ASCC3: variants seen among roughly 807,000 people sequenced by gnomAD.
ASCC3 encodes activating signal cointegrator 1 complex subunit 3.
ASCC3 carries 158 observed loss-of-function variants against 256.3 expected under a neutral mutation model. That is an observed-to-expected ratio of 0.62 (90% CI 0.54 to 0.70). The LOEUF (loss-of-function observed/expected upper bound fraction) is 0.70. Ranked by LOEUF, ASCC3 falls within the 30% of genes least tolerant of loss-of-function variation. The pLI is 0.00. For missense variants in ASCC3, 2,259 were observed against 2,626.0 expected (o/e 0.86, Z 3.05); for synonymous variants, 948 against 883.4 (o/e 1.07, Z -1.30).
chr6:100,804,797 T>C (rs1770088535), intron 5 of ASCC3, among the ~76,000 whole-genome samples: 1 of 152,174 alleles, frequency 6.6e-6, no homozygotes, highest in Admixed American at 6.6e-5. Flanking sequence ...TTATATACTG[T>C]TGGTGGGAAC....
chr6:100,512,629 T>G lies in ASCC3; in HGVS notation c.6285+80A>C, dbSNP rs146263567. ...GGATTCATGAATGACACGGGCACAT[T>G]AGTCACATAACAGATATGTGTGGTG... On this transcript the variant is annotated intron_variant, in intron 40 of 41. Transcript: ENST00000369162. 2.4e-4 allele frequency: 326 copies of G among 1,347,214 alleles called. No homozygotes were observed. The East Asian group carries it at 6.8e-3, about 28-fold the overall frequency. The allele number at this position is 1,347,214 out of a possible 1,614,324, so 83.5% of individuals were successfully genotyped here.
rs144369336 is a variant in ASCC3 at position 100,780,977 on chromosome 6, TAAG to T, written c.1396-13635_1396-13633del. Among the ~76,000 whole-genome samples, 316 of 152,308 alleles carry T rather than the reference TAAG, an allele frequency of 2.1e-3. 4 individuals carry two copies. Among genetic ancestry groups the T allele is most frequent in the Admixed American group, 0.018 (276 of 15,296 alleles). ...TCCCTAAAGTGCTAAACAAGAAATA[TAAG>T]AAGTATTTTCCTTTAAAATATGACT... is the stretch of plus-strand genomic sequence containing the variant. On this transcript the variant is annotated intron_variant, in intron 8 of 41. Coordinates refer to ENST00000369162, the MANE Select transcript of ASCC3 (RefSeq NM_006828.4).
chr6:100,871,096 CTTT>C (rs565312321), intron 1 of ASCC3, among the ~76,000 whole-genome samples: 2,476 of 146,532 alleles, frequency 0.017, 70 homozygotes, highest in African/African-American at 0.059. Flanking sequence ...GTCTTTTATT[CTTT>C]TTTTTTTTTC....
intron 36 of ASCC3, among the ~76,000 whole-genome samples, chr6:100,577,742 CCACACACA>C (rs139409330): frequency 1.3e-5 from 2 of 149,450 alleles, no homozygotes; most frequent in Admixed American, 1.3e-4. Flanking sequence ...ACCCACCCAC[CCACACACA>C]CACACACACT....
At chr6:100,535,629 C>G (rs12190903) in intron 37 of ASCC3, among the ~76,000 whole-genome samples, 1 of 151,598 alleles carries the variant, frequency 6.6e-6, no homozygotes, top group South Asian at 2.1e-4. Flanking sequence ...CTACCACCCC[C>G]GGCTAATTCT....
chr6:100,594,444 A>AT (rs1331511596), intron 34 of ASCC3, among the ~76,000 whole-genome samples: 3 of 152,142 alleles, frequency 2.0e-5, no homozygotes, highest in Non-Finnish European at 4.4e-5. Context: ...AGTGGGAAAA[A>AT]TTTACCAGTT....
At chr6:100,832,450 A>G (rs188497634) in intron 4 of ASCC3, among the ~76,000 whole-genome samples, 79 of 152,268 alleles carry the variant, frequency 5.2e-4, no homozygotes, top group African/African-American at 1.9e-3. Context: ...AGAATTCTTA[A>G]TGAAGTACTG....
At chr6:100,849,049 C>T (rs879335664) in intron 3 of ASCC3, among the ~76,000 whole-genome samples, 1 of 151,938 alleles carries the variant, frequency 6.6e-6, no homozygotes, top group East Asian at 1.9e-4. Flanking sequence ...GGGGCTGCAG[C>T]GAGCCATGAT....
chr6:100,635,201 A>G (rs936457768), intron 25 of ASCC3, among the ~76,000 whole-genome samples: 83 of 151,556 alleles, frequency 5.5e-4, no homozygotes, highest in African/African-American at 1.8e-3. Flanking sequence ...GTGTGTGTGT[A>G]TATATATATA....
chr6:100,788,036 C>G (rs1194958742), intron 8 of ASCC3, among the ~76,000 whole-genome samples: 1 of 151,092 alleles, frequency 6.6e-6, no homozygotes, highest in African/African-American at 2.4e-5. Context: ...TGTGAAAAAA[C>G]AAGTCACAAA....
intron 1 of ASCC3, among the ~76,000 whole-genome samples, chr6:100,874,622 A>T (rs1300533340): frequency 6.6e-6 from 1 of 152,142 alleles, no homozygotes; most frequent in African/African-American, 2.4e-5. Flanking sequence ...ATCACCCACC[A>T]TATATTAGAT....
At chr6:100,768,026 C>T (rs1781745478) in intron 8 of ASCC3, among the ~76,000 whole-genome samples, 1 of 152,036 alleles carries the variant, frequency 6.6e-6, no homozygotes, top group Non-Finnish European at 1.5e-5. Flanking sequence ...TGATGATGTT[C>T]TAATTTATCT....
At chr6:100,724,451 A>G (rs1165493467) in intron 11 of ASCC3, among the ~76,000 whole-genome samples, 2 of 151,828 alleles carry the variant, frequency 1.3e-5, no homozygotes, top group African/African-American at 4.8e-5. Flanking sequence ...GGTTTAAGGA[A>G]ATTTTTTGGT....
At chr6:100,535,198 C>T (rs1366262062) in intron 37 of ASCC3, among the ~76,000 whole-genome samples, 1 of 152,124 alleles carries the variant, frequency 6.6e-6, no homozygotes, top group African/African-American at 2.4e-5. Context: ...CAAGATCATG[C>T]TGATGTCCCA....
chr6:100,706,681 A>T (rs1311806007), intron 13 of ASCC3, among the ~76,000 whole-genome samples: 1 of 152,042 alleles, frequency 6.6e-6, no homozygotes, highest in East Asian at 1.9e-4. Context: ...AAGCTGCCAC[A>T]TAGTAAGCTA....
intron 8 of ASCC3, among the ~76,000 whole-genome samples, chr6:100,788,539 AG>A (rs1316434876): frequency 6.6e-6 from 1 of 151,990 alleles, no homozygotes; most frequent in Non-Finnish European, 1.5e-5. Context: ...AATCAGCAAA[AG>A]TTGCAAACAA....
At chr6:100,630,072 T>C (rs1051131736) in intron 26 of ASCC3, among the ~76,000 whole-genome samples, 57 of 151,836 alleles carry the variant, frequency 3.8e-4, no homozygotes, top group African/African-American at 1.4e-3. Context: ...TTATTTTTAG[T>C]AGAGATGGGG....
chr6:100,687,159 CTGAG>C (rs1167242208), intron 13 of ASCC3, among the ~76,000 whole-genome samples: 1 of 151,270 alleles, frequency 6.6e-6, no homozygotes, highest in Non-Finnish European at 1.5e-5. Context: ...TAATATTATC[CTGAG>C]TGTGTTGTTA....
intron 4 of ASCC3, among the ~76,000 whole-genome samples, chr6:100,806,557 G>A (rs1270846555): frequency 6.6e-6 from 1 of 151,800 alleles, no homozygotes. Flanking sequence ...AGGTTTCCGC[G>A]AGTATGATCT....
Sources: allele counts gnomAD v4.1 joint callset (sites outside exome capture counted in the v4.1 genomes callset), GRCh38; gene constraint gnomAD v4.1.1; transcripts MANE v1.5; gene names NCBI Gene and HGNC (gene_info 2026-07-23, HGNC 2026-07-21).